The following P3H2 variants were observed in gnomAD, a reference collection of about 807,000 sequenced individuals.
P3H2 encodes the protein prolyl 3-hydroxylase 2.
In P3H2, 80 loss-of-function variants were observed where a neutral mutation model predicts 87.0. The ratio of observed to expected loss-of-function variants is 0.92; its 90% CI spans 0.77 to 1.11. P3H2 has a LOEUF of 1.11. Ranked by LOEUF, P3H2 falls within the 50% of genes least tolerant of loss-of-function variation. The probability of loss-of-function intolerance (pLI) is 0.00; values close to 1 mark genes in which losing one functional copy is unlikely to be tolerated. For synonymous variants in P3H2, 367 were observed against 359.3 expected (o/e 1.02, Z -0.24); for missense variants, 1,001 against 923.9 (o/e 1.08, Z -1.08).
At chr3:190,049,359 G>A (rs1048800183) in intron 1 of P3H2, among the ~76,000 whole-genome samples, 3 of 151,928 alleles carry the variant, frequency 2.0e-5, no homozygotes, top group African/African-American at 7.3e-5. Context: ...CAATCATTAC[G>A]CTGTATTTGC....
Position 190,089,407 on chromosome 3 carries a change from T to C in P3H2, c.480+30845A>G, listed in dbSNP as rs1727339402. Among the ~76,000 whole-genome samples the C allele has an allele frequency of 2.6e-5, 4 of 152,310 alleles. No individual in the cohort carries two copies. In the South Asian group the frequency reaches 8.3e-4, roughly 32 times the overall value. ...GAAAATTCATTGTTAAATCAGATGT[T>C]GAAATTTCACCAAAAATTCCAAAGT... On this transcript the variant is annotated intron_variant, in intron 1 of 14. Coordinates refer to ENST00000319332, the MANE Select transcript of P3H2 (RefSeq NM_018192.4).
At chr3:190,004,421 C>T (rs573598539) in intron 1 of P3H2, among the ~76,000 whole-genome samples, 1 of 152,272 alleles carries the variant, frequency 6.6e-6, no homozygotes, top group African/African-American at 2.4e-5. Context: ...CTCGCTCTGT[C>T]GCCCAGGCTG....
chr3:190,054,283 A>G (rs1403656349), intron 1 of P3H2, among the ~76,000 whole-genome samples: 3 of 152,208 alleles, frequency 2.0e-5, no homozygotes, highest in Non-Finnish European at 4.4e-5. Flanking sequence ...ATAGTCTGAG[A>G]AAATTGAATC....
chr3:190,112,817 A>G (rs1209164898), intron 1 of P3H2, among the ~76,000 whole-genome samples: 10 of 152,144 alleles, frequency 6.6e-5, no homozygotes, highest in African/African-American at 2.4e-4. Flanking sequence ...TGTGTAGGCC[A>G]TTTGGCAAAT....
rs1030874409 is a variant in P3H2 at position 190,120,793 on chromosome 3, C to G, written c.-62G>C. On this transcript the variant is annotated 5_prime_UTR_variant, in exon 1 of 15. Coordinates refer to ENST00000319332, the MANE Select transcript of P3H2 (RefSeq NM_018192.4). ...AGAGGGCTTCGGGGCACCTCGCGTCCGGGTCCCCTCTCCCACCTTCCCTCG... is the reference window on the plus strand; with the variant it reads ...AGAGGGCTTCGGGGCACCTCGCGTCGGGGTCCCCTCTCCCACCTTCCCTCG... The G allele has an allele frequency of 6.7e-7, 1 of 1,496,294 alleles. No homozygotes were observed. Among genetic ancestry groups the G allele is most frequent in the Non-Finnish European group, 8.9e-7 (1 of 1,127,996 alleles). The allele number at this position is 1,496,294 out of a possible 1,614,324, so 92.7% of individuals were successfully genotyped here. A position where few individuals can be genotyped will look rare whatever the true frequency, so the allele number is the denominator to read the frequency against.
In P3H2 at chr3:189,999,925, AT is replaced by A. The variant is rs748430679; in HGVS notation, c.481-4484del. On this transcript the variant is annotated intron_variant, in intron 1 of 14. Coordinates refer to ENST00000319332, the MANE Select transcript of P3H2 (RefSeq NM_018192.4). ...CATGACTACGTGGTAGTCATACTGT[AT>A]GGACAAAGAAATGAACATTGACTAA... Among the ~76,000 whole-genome samples, 13 of 152,324 alleles carry A rather than the reference AT, an allele frequency of 8.5e-5. No individual in the cohort carries two copies. In the East Asian group the frequency reaches 2.3e-3, roughly 27 times the overall value.
chr3:190,048,475 C>A (rs1033976331), intron 1 of P3H2, among the ~76,000 whole-genome samples: 3 of 152,044 alleles, frequency 2.0e-5, no homozygotes, highest in African/African-American at 7.2e-5. Flanking sequence ...CCAGACTGGG[C>A]AACACAATGA....
intron 13 of P3H2, 125 bp from the exon 14 acceptor site, chr3:189,964,223 AT>A: frequency 1.2e-6 from 1 of 866,174 alleles, no homozygotes; most frequent in South Asian, 1.4e-5. Flanking sequence ...GAATCCTGGG[AT>A]TGAAGATGAT....
intron 5 of P3H2, among the ~76,000 whole-genome samples, chr3:189,987,323 T>C (rs1254108775): frequency 1.3e-5 from 2 of 150,514 alleles, no homozygotes; most frequent in Admixed American, 6.6e-5. Context: ...AAAAAAAAAA[T>C]ACAAAATTAG....
intron 1 of P3H2, among the ~76,000 whole-genome samples, chr3:190,055,531 T>C (rs975764019): frequency 8.1e-6 from 1 of 123,980 alleles, no homozygotes; most frequent in African/African-American, 3.8e-5. Flanking sequence ...GTGCTTTTTT[T>C]TTTTTTCTCC....
Position 189,957,684 on chromosome 3 carries a change from A to G in P3H2, c.*228T>C, listed in dbSNP as rs1722678459. ...GCCCTATATCCTAGACAACATGGTTAGACCATGTCTCTAAGAAGAGAGAGA... is the reference window on the plus strand; with the variant it reads ...GCCCTATATCCTAGACAACATGGTTGGACCATGTCTCTAAGAAGAGAGAGA... On this transcript the variant is annotated 3_prime_UTR_variant, in exon 15 of 15. Coordinates refer to ENST00000319332, the MANE Select transcript of P3H2 (RefSeq NM_018192.4). 1 of 552,958 alleles carries G rather than the reference A, an allele frequency of 1.8e-6. No homozygotes were observed. Among genetic ancestry groups the G allele is most frequent in the Non-Finnish European group, 3.2e-6 (1 of 312,636 alleles). 34.3% of individuals were successfully genotyped at this position (552,958 alleles called of 1,614,324 possible). A position where few individuals can be genotyped will look rare whatever the true frequency, so the allele number is the denominator to read the frequency against.
intron 1 of P3H2, among the ~76,000 whole-genome samples, chr3:190,100,568 C>T (rs1257784282): frequency 6.6e-6 from 1 of 152,102 alleles, no homozygotes; most frequent in Non-Finnish European, 1.5e-5. Context: ...AAAGAAGACT[C>T]TGAGGCCAAG....
At chr3:190,043,751 C>A (rs1725716290) in intron 1 of P3H2, among the ~76,000 whole-genome samples, 1 of 152,068 alleles carries the variant, frequency 6.6e-6, no homozygotes, top group South Asian at 2.1e-4. Context: ...TAATTAGAAA[C>A]AATAATGAGA....
chr3:190,089,688 T>G (rs1727347327), intron 1 of P3H2, among the ~76,000 whole-genome samples: 1 of 152,180 alleles, frequency 6.6e-6, no homozygotes, highest in Non-Finnish European at 1.5e-5. Context: ...ATCTGAGACA[T>G]GGGAGGGCAA....
intron 1 of P3H2, among the ~76,000 whole-genome samples, chr3:190,015,412 T>C (rs777367583): frequency 3.9e-5 from 6 of 152,194 alleles, no homozygotes; most frequent in Non-Finnish European, 7.3e-5. Flanking sequence ...CATGCTTCAG[T>C]GTATAACAAG....
In P3H2 at chr3:189,973,972, T is replaced by C; in HGVS notation, c.1485A>G (p.Gly495=). 1 of 1,614,112 alleles carries C rather than the reference T, an allele frequency of 6.2e-7. No individual in the cohort carries two copies. The highest frequency in any genetic ancestry group is 1.1e-5 in the South Asian group (1 of 91,084). The part of the protein sequence containing the change: ...GIMLVGDGYR[G]KTSPHTPNEK... ...CATTGGGTGTATGGGGTGAAGTTTT[T>C]CCTCTGTATCCATCACCAACAAGCA... The change falls in exon 10 of 15, where the codon GGA becomes GGG. Residue 495 remains glycine (G), a synonymous_variant. Transcript: ENST00000319332.
intron 1 of P3H2, among the ~76,000 whole-genome samples, chr3:190,046,233 C>T (rs906275383): frequency 6.6e-6 from 1 of 151,998 alleles, no homozygotes; most frequent in Non-Finnish European, 1.5e-5. Context: ...CCTTGCAGTA[C>T]ATCTCTTGTG....
At chr3:190,108,296 C>T (rs1711929799) in intron 1 of P3H2, among the ~76,000 whole-genome samples, 1 of 152,176 alleles carries the variant, frequency 6.6e-6, no homozygotes, top group East Asian at 1.9e-4. Context: ...AGATTATTTA[C>T]AGGCTGTGCA....
intron 1 of P3H2, among the ~76,000 whole-genome samples, chr3:190,062,566 G>A (rs1467465073): frequency 6.6e-6 from 1 of 152,100 alleles, no homozygotes. Context: ...CTTAATAGGT[G>A]TCCAGTGAAT....
Sources: gnomAD v4.1 joint callset for allele counts (sites outside exome capture counted in the v4.1 genomes callset) on GRCh38, gnomAD v4.1.1 for gene constraint, MANE v1.5 for transcripts, NCBI Gene and HGNC (gene_info 2026-07-23, HGNC 2026-07-21) for gene names.